Variants in TTC6 observed in about 807,000 individuals in gnomAD.
TTC6 encodes tetratricopeptide repeat domain 6.
TTC6 carries 172 observed loss-of-function variants against 210.4 expected under a neutral mutation model. The observed-to-expected ratio is 0.82, with a 90% CI of 0.72 to 0.93. The LOEUF (loss-of-function observed/expected upper bound fraction) is 0.93. Ranked by LOEUF, TTC6 falls within the 40% of genes least tolerant of loss-of-function variation. TTC6 has a pLI of 0.00. For missense variants in TTC6, 2,414 were observed against 2,318.1 expected (o/e 1.04, Z -0.85); for synonymous variants, 804 against 819.6 (o/e 0.98, Z 0.32).
At chr14:37,842,370 T>A in exon 31 of TTC6, 1 of 1,282,904 alleles carries the variant, frequency 7.8e-7, no homozygotes, top group Non-Finnish European at 1.0e-6. Context: ...TCTAAAAGGT[T>A]CTACCATTTT....
chr14:37,787,889 C>CTGTGTGTGTGTGTGTGTGTG (rs3062823), intron 15 of TTC6, among the ~76,000 whole-genome samples: 2 of 147,222 alleles, frequency 1.4e-5, no homozygotes, highest in Non-Finnish European at 3.0e-5. Context: ...GTGTGTGTGT[C>CTGTGTGTGTGTGTGTGTGTG]TGTGTGTGTG....
chr14:37,670,083 A>G (rs369753601), intron 1 of TTC6, among the ~76,000 whole-genome samples: 1 of 152,186 alleles, frequency 6.6e-6, no homozygotes, highest in African/African-American at 2.4e-5. Flanking sequence ...TAGGGAAGGT[A>G]TATGTATTCC....
Position 37,604,669 on chromosome 14 carries a change from G to A in TTC6, c.-234-1994G>A, listed in dbSNP as rs150552615. Among the ~76,000 whole-genome samples, 24 of 152,120 alleles carry A rather than the reference G, an allele frequency of 1.6e-4. No homozygotes were observed. The East Asian group carries it at 4.5e-3, about 28-fold the overall frequency. ...TGTGGTTTGGATCTAGGAGGCACCC[G>A]GGAAGGAGAGGGGAGATGAGGAAGA... is the stretch of plus-strand genomic sequence containing the variant. On this transcript the variant is annotated intron_variant, in intron 1 of 2. Coordinates refer to the TTC6 transcript ENST00000556845.
chr14:37,633,945 A>C (rs1197941240), intron 1 of TTC6, among the ~76,000 whole-genome samples: 1 of 152,186 alleles, frequency 6.6e-6, no homozygotes, highest in Non-Finnish European at 1.5e-5. Flanking sequence ...TAACAGGGGA[A>C]GTGCCTCCCT....
chr14:37,636,733 G>A (rs1475035257), intron 1 of TTC6, among the ~76,000 whole-genome samples: 1 of 152,080 alleles, frequency 6.6e-6, no homozygotes. Context: ...AAGTAACATG[G>A]TATCCACTTG....
intron 5 of TTC6, among the ~76,000 whole-genome samples, chr14:37,702,986 G>A (rs936946557): frequency 6.6e-6 from 1 of 151,880 alleles, no homozygotes; most frequent in African/African-American, 2.4e-5. Context: ...TTAAATTTTT[G>A]AAAAAAATTG....
rs557485285 is a variant in TTC6 at position 37,730,797 on chromosome 14, G to A, written c.1819-5124G>A. On this transcript the variant is annotated intron_variant, in intron 7 of 30. Transcript: ENST00000553443. ...CCAGTCATGTTGATAATAAGTATTC[G>A]GACACTATAGTTCTCATTCATCCCA... Among the ~76,000 whole-genome samples the A allele has an allele frequency of 9.2e-5, 14 of 152,146 alleles. No individual in the cohort carries two copies. In the South Asian group the frequency reaches 2.5e-3, roughly 27 times the overall value.
At chr14:37,790,594 T>A in intron 15 of TTC6, 123 bp from the exon 18 acceptor site, 2 of 762,410 alleles carry the variant, frequency 2.6e-6, no homozygotes, top group Non-Finnish European at 2.1e-6. Flanking sequence ...ATCATAGATA[T>A]GTTTCTATTT....
chr14:37,700,750 C>CAA (rs35091344), intron 4 of TTC6, among the ~76,000 whole-genome samples: 23,967 of 62,362 alleles, frequency 0.38, 5,518 homozygotes, highest in Admixed American at 0.43. Context: ...CTCCATCTCA[C>CAA]AAAAAAAAAA....
At chr14:37,807,117 C>T (rs2096120012) in intron 22 of TTC6, among the ~76,000 whole-genome samples, 1 of 152,022 alleles carries the variant, frequency 6.6e-6, no homozygotes, top group Non-Finnish European at 1.5e-5. Context: ...TAATTATTAA[C>T]TCCAGGTGAT....
intron 8 of TTC6, among the ~76,000 whole-genome samples, chr14:37,736,690 C>T (rs902599660): frequency 1.3e-5 from 2 of 152,086 alleles, no homozygotes; most frequent in Non-Finnish European, 2.9e-5. Flanking sequence ...TACAGTGTAT[C>T]CAATGACCTG....
chr14:37,695,040 C>CAAAAA (rs57506038), intron 3 of TTC6, among the ~76,000 whole-genome samples: 4 of 57,256 alleles, frequency 7.0e-5, no homozygotes, highest in Non-Finnish European at 9.7e-5. Context: ...GGCCCTGTCT[C>CAAAAA]AAAAAAAAAA....
intron 12 of TTC6, among the ~76,000 whole-genome samples, chr14:37,750,779 A>G (rs751809265): frequency 6.6e-6 from 1 of 152,104 alleles, no homozygotes; most frequent in Non-Finnish European, 1.5e-5. Flanking sequence ...AGTCCCAGCT[A>G]TTTAGGAGGC....
intron 1 of TTC6, among the ~76,000 whole-genome samples, chr14:37,666,994 T>G (rs547674088): frequency 6.6e-6 from 1 of 150,856 alleles, no homozygotes; most frequent in Non-Finnish European, 1.5e-5. Flanking sequence ...ATATCTATTT[T>G]TCTTCTGATT....
exon 30 of TTC6, chr14:37,841,515 T>C: frequency 6.2e-7 from 1 of 1,601,356 alleles, no homozygotes; most frequent in Non-Finnish European, 8.5e-7. Flanking sequence ...AATCGAGCTA[T>C]TACAAATACA....
chr14:37,738,295 G>T (rs2095907544), intron 9 of TTC6, among the ~76,000 whole-genome samples: 2 of 151,750 alleles, frequency 1.3e-5, no homozygotes, highest in South Asian at 2.1e-4. Flanking sequence ...ATATTAAATT[G>T]AAAGTTATTA....
intron 26 of TTC6, among the ~76,000 whole-genome samples, chr14:37,818,665 G>C (rs1229542892): frequency 6.6e-6 from 1 of 151,742 alleles, no homozygotes; most frequent in Non-Finnish European, 1.5e-5. Flanking sequence ...TTAATTTTAT[G>C]AGCAGAGTAA....
intron 14 of TTC6, among the ~76,000 whole-genome samples, chr14:37,784,448 C>CT (rs998433465): frequency 6.6e-6 from 1 of 151,856 alleles, no homozygotes; most frequent in Admixed American, 6.6e-5. Flanking sequence ...ACAACCCCTG[C>CT]TTTTTTTTGT....
At chr14:37,838,441 T>C (rs1449557405) in intron 29 of TTC6, among the ~76,000 whole-genome samples, 1 of 152,230 alleles carries the variant, frequency 6.6e-6, no homozygotes, top group Non-Finnish European at 1.5e-5. Context: ...AATACTGTTT[T>C]GCAGACTAAC....
Sources: gnomAD v4.1 joint callset for allele counts (sites outside exome capture counted in the v4.1 genomes callset) on GRCh38, gnomAD v4.1.1 for gene constraint, MANE v1.5 for transcripts, NCBI Gene and HGNC (gene_info 2026-07-23, HGNC 2026-07-21) for gene names.